Variants in GPR83 observed in about 807,000 individuals in gnomAD.
GPR83 encodes the protein G protein-coupled receptor 83.
GPR83 carries 23 observed loss-of-function variants against 28.0 expected under a neutral mutation model. The observed-to-expected ratio is 0.82, with a 90% CI of 0.59 to 1.16. The LOEUF (loss-of-function observed/expected upper bound fraction) is 1.16, where lower values mean the gene tolerates loss of function less well. GPR83 is among the 50% of genes most tolerant of loss of function. The pLI is 0.00. For synonymous variants in GPR83, 234 were observed against 215.4 expected (o/e 1.09, Z -0.76); for missense variants, 610 against 536.6 (o/e 1.14, Z -1.35).
intron 3 of GPR83, among the ~76,000 whole-genome samples, chr11:94,385,703 A>C (rs1025559392): frequency 2.0e-5 from 3 of 152,372 alleles, no homozygotes; most frequent in Middle Eastern, 3.4e-3. Flanking sequence ...CTATGCGAAA[A>C]GACCAAATCT....
chr11:94,393,239 G>C (rs533151344), intron 3 of GPR83, among the ~76,000 whole-genome samples: 26 of 152,252 alleles, frequency 1.7e-4, no homozygotes, highest in African/African-American at 5.5e-4. Context: ...TTATTGCTTT[G>C]TCCTTGCAGA....
chr11:94,389,154 A>C (rs1212279372), intron 3 of GPR83, among the ~76,000 whole-genome samples: 2 of 152,168 alleles, frequency 1.3e-5, no homozygotes, highest in Non-Finnish European at 2.9e-5. Context: ...CCTTCCTTAC[A>C]CCTTACACAA....
At chr11:94,388,111 A>G (rs547716609) in intron 3 of GPR83, among the ~76,000 whole-genome samples, 3 of 152,340 alleles carry the variant, frequency 2.0e-5, no homozygotes, top group Admixed American at 2.0e-4. Flanking sequence ...AAGGCCTTTG[A>G]CAAAATTCAA....
At chr11:94,399,284 C>A (rs1320424634) in intron 1 of GPR83, among the ~76,000 whole-genome samples, 3 of 152,186 alleles carry the variant, frequency 2.0e-5, no homozygotes, top group Non-Finnish European at 2.9e-5. Flanking sequence ...TTGGGTAATG[C>A]CCAGGGGATA....
rs1351724558 is a variant in GPR83 at position 94,380,556 on chromosome 11, T to C, written c.865A>G (p.Lys289Glu). Residue 289 changes from lysine (K) to glutamate (E), a missense_variant, in exon 4 of 4, where the codon AAG (lysine) becomes GAG (glutamate). Transcript: ENST00000243673. Reference sequence around the variant, plus strand: ...ACCAGCATCAACATCTTGATGGTCTTCTTCTTTTTGCGCCGCAGGGCAAAG... The same window carrying C: ...ACCAGCATCAACATCTTGATGGTCTCCTTCTTTTTGCGCCGCAGGGCAAAG... ...QYFALRRKKK[K>E]TIKMLMLVVV... The C allele has an allele frequency of 6.2e-7, 1 of 1,614,030 alleles. No individual in the cohort carries two copies. Among genetic ancestry groups the C allele is most frequent in the African/African-American group, 1.3e-5 (1 of 74,904 alleles).
At chr11:94,394,649 T>A (rs1944849364) in intron 2 of GPR83, among the ~76,000 whole-genome samples, 1 of 152,022 alleles carries the variant, frequency 6.6e-6, no homozygotes, top group Non-Finnish European at 1.5e-5. Flanking sequence ...TTCCTCCCAA[T>A]GTTTTCAAGG....
At position 94,378,466 on chromosome 11, in the gene GPR83, C is replaced by T. The variant is rs1449299599; in HGVS notation, c.*1683G>A. ...AAGCTCGATTCTGCCTGACAGGTCTCTTTTCTGGGTGACACAGTGAGTCAC... is the reference window on the plus strand; with the variant it reads ...AAGCTCGATTCTGCCTGACAGGTCTTTTTTCTGGGTGACACAGTGAGTCAC... On this transcript the variant is annotated 3_prime_UTR_variant, in exon 4 of 4. Coordinates refer to ENST00000243673, the MANE Select transcript of GPR83 (RefSeq NM_016540.4). 6.6e-6 allele frequency: 1 copy of T among 152,226 alleles called. No homozygotes were observed. The highest frequency in any genetic ancestry group is 1.5e-5 in the Non-Finnish European group (1 of 68,046). 9.4% of individuals were successfully genotyped at this position (152,226 alleles called of 1,614,324 possible). A position where few individuals can be genotyped will look rare whatever the true frequency, so the allele number is the denominator to read the frequency against.
At chr11:94,381,015 C>T (rs1395641277) in intron 3 of GPR83, among the ~76,000 whole-genome samples, 2 of 152,126 alleles carry the variant, frequency 1.3e-5, no homozygotes, top group Non-Finnish European at 2.9e-5. Context: ...TAATCTTGTG[C>T]AATTCCTAGC....
Position 94,380,339 on chromosome 11 carries a change from C to G in GPR83, c.1082G>C (p.Ser361Thr), listed in dbSNP as rs143486778. 520 of 1,613,510 alleles carry G rather than the reference C, an allele frequency of 3.2e-4. No homozygotes were observed. The African/African-American group carries it at 6.3e-3, about 20-fold the overall frequency. The change falls in exon 4 of 4, where the codon AGC becomes ACC. Residue 361 changes from serine (S) to threonine (T), a missense_variant. Coordinates refer to ENST00000243673, the MANE Select transcript of GPR83 (RefSeq NM_016540.4). The stretch of plus-strand genomic sequence containing the variant: ...AGGCTTGGGAGGTCTTTGACACATG[C>G]TCAGTAATGCCTTTAGCTCAATCCT... ...NFRIELKALL[S>T]MCQRPPKPQE...
rs755039200 is a variant in GPR83 at position 94,380,725 on chromosome 11, A to C, written c.696T>G (p.Ala232=). Residue 232 remains alanine (A), a synonymous_variant, in exon 4 of 4, where the codon GCT becomes GCG. Coordinates refer to ENST00000243673, the MANE Select transcript of GPR83 (RefSeq NM_016540.4). Reference sequence around the variant, plus strand: ...AGTCCAGGTACTTCCAGAAGAGGTCAGCTGGCTCAGGGAAGTCTGGCAGGC... The same window carrying C: ...AGTCCAGGTACTTCCAGAAGAGGTCCGCTGGCTCAGGGAAGTCTGGCAGGC... ...SLCLPDFPEP[A]DLFWKYLDLA... is the part of the protein sequence containing the mutation. The C allele has an allele frequency of 2.5e-6, 4 of 1,612,764 alleles. No homozygotes were observed. Among genetic ancestry groups the C allele is most frequent in the Middle Eastern group, 1.9e-4 (1 of 5,222 alleles).
intron 3 of GPR83, among the ~76,000 whole-genome samples, chr11:94,390,138 G>C (rs1329832078): frequency 1.3e-5 from 2 of 151,982 alleles, no homozygotes; most frequent in African/African-American, 2.4e-5. Flanking sequence ...CTTGGACACA[G>C]GAAGGGGAAT....
chr11:94,385,017 A>G (rs1944736584), intron 3 of GPR83, among the ~76,000 whole-genome samples: 1 of 152,210 alleles, frequency 6.6e-6, no homozygotes, highest in Non-Finnish European at 1.5e-5. Flanking sequence ...GGAACTGATC[A>G]GGCAGCAACA....
intron 3 of GPR83, among the ~76,000 whole-genome samples, chr11:94,393,023 A>C (rs1352705002): frequency 6.6e-6 from 1 of 152,174 alleles, no homozygotes; most frequent in Admixed American, 6.6e-5. Context: ...GTGTTGAAAG[A>C]AAGACGTTCT....
intron 3 of GPR83, among the ~76,000 whole-genome samples, chr11:94,391,786 C>T (rs985919721): frequency 2.6e-5 from 4 of 152,070 alleles, no homozygotes; most frequent in African/African-American, 9.7e-5. Flanking sequence ...CAATCTCATG[C>T]CAGTTAGAAT....
rs548699119 is a variant in GPR83 at position 94,378,666 on chromosome 11, G to GA, written c.*1482dup. On this transcript the variant is annotated 3_prime_UTR_variant, in exon 4 of 4. Coordinates refer to ENST00000243673, the MANE Select transcript of GPR83 (RefSeq NM_016540.4). ...CGAATCTCCTTTTGAGAAATGGTGT[G>GA]AAAAAACCCTCATTATTTAGACAAC... The GA allele has an allele frequency of 7.5e-4, 115 of 152,722 alleles. 1 individual carries two copies. Among genetic ancestry groups the GA allele is most frequent in the African/African-American group, 2.5e-3 (104 of 41,556 alleles). The allele number at this position is 152,722 out of a possible 1,614,324, so 9.5% of individuals were successfully genotyped here. A position where few individuals can be genotyped will look rare whatever the true frequency, so the allele number is the denominator to read the frequency against.
intron 3 of GPR83, 40 bp downstream of exon 3, chr11:94,393,445 G>A: frequency 6.2e-7 from 1 of 1,605,902 alleles, no homozygotes; most frequent in Non-Finnish European, 8.5e-7. Flanking sequence ...CTCAGGAGAA[G>A]ACACAAGTCC....
intron 3 of GPR83, among the ~76,000 whole-genome samples, chr11:94,393,173 G>T (rs531341954): frequency 1.3e-5 from 2 of 152,308 alleles, no homozygotes; most frequent in South Asian, 4.1e-4. Flanking sequence ...ACAAGGCCTT[G>T]GTGACTGGGA....
intron 3 of GPR83, 88 bp downstream of exon 3, chr11:94,393,397 G>T: frequency 3.3e-6 from 4 of 1,228,016 alleles, no homozygotes; most frequent in Non-Finnish European, 4.7e-6. Context: ...ACAGTTGTGA[G>T]CTCCTGGGGG....
At chr11:94,386,440 T>C (rs1285232394) in intron 3 of GPR83, among the ~76,000 whole-genome samples, 1 of 152,160 alleles carries the variant, frequency 6.6e-6, no homozygotes, top group Non-Finnish European at 1.5e-5. Flanking sequence ...CAGTGTGCTG[T>C]ATTCAGGAAA....
Sources: allele counts gnomAD v4.1 joint callset (sites outside exome capture counted in the v4.1 genomes callset), GRCh38; gene constraint gnomAD v4.1.1; transcripts MANE v1.5; gene names NCBI Gene and HGNC (gene_info 2026-07-23, HGNC 2026-07-21).